The following TENM4 variants were observed in gnomAD, a reference collection of about 807,000 sequenced individuals.
The protein encoded by TENM4 is teneurin-4.
In TENM4, 82 loss-of-function variants were observed where a neutral mutation model predicts 243.3. The observed-to-expected ratio is 0.34, with a 90% confidence interval of 0.28 to 0.40. The LOEUF is 0.40. TENM4 is among the 10% of genes least tolerant of loss of function. TENM4 has a pLI of 1.00. For missense variants in TENM4, 3,138 were observed against 3,673.3 expected (o/e 0.85, Z 3.77); for synonymous variants, 1,412 against 1,456.3 (o/e 0.97, Z 0.69).
intron 1 of TENM4, among the ~76,000 whole-genome samples, chr11:79,417,674 T>C (rs1467496326): frequency 6.6e-6 from 1 of 151,932 alleles, no homozygotes; most frequent in African/African-American, 2.4e-5. Context: ...CTGCTCATAC[T>C]TGCAATATGA....
Position 78,669,338 on chromosome 11 carries a change from G to C in TENM4, c.7007C>G (p.Ser2336Cys). Reference protein sequence around the residue: ...LYNHSSSEITSLYYDLQGHLF... With the variant: ...LYNHSSSEITCLYYDLQGHLF... ...GTGTCCTTGCAAGTCGTAGTAGAGG[G>C]AGGTGATCTCAGAGCTGGAGTGGTT... is the stretch of plus-strand genomic sequence containing the variant. Residue 2336 changes from serine (S) to cysteine (C), a missense_variant, in exon 32 of 34, where the codon TCC (serine) becomes TGC (cysteine). Physicochemically the swap from Ser to Cys is moderately radical, Grantham distance 112 (BLOSUM62 -1). This residue lies in a region of TENM4 where 2,467 missense variants were observed against 3,059.1 expected (regional missense o/e 0.81). Transcript: ENST00000278550. The surrounding 1 kb of genome is among the most constrained non-coding windows in gnomAD (Gnocchi z 6.4). 1.9e-6 allele frequency: 3 copies of C among 1,613,890 alleles called. No homozygotes were observed. The highest frequency in any genetic ancestry group is 2.5e-6 in the Non-Finnish European group (3 of 1,179,832).
chr11:78,995,316 A>AT (rs1858144822), intron 6 of TENM4, among the ~76,000 whole-genome samples: 1 of 152,136 alleles, frequency 6.6e-6, no homozygotes, highest in African/African-American at 2.4e-5. Flanking sequence ...AAGAGTTTAG[A>AT]TTTTGTCCTG....
At chr11:79,219,499 A>C (rs1864117672) in intron 2 of TENM4, among the ~76,000 whole-genome samples, 2 of 152,180 alleles carry the variant, frequency 1.3e-5, no homozygotes, top group Admixed American at 1.3e-4. Context: ...TGGGCAGGCT[A>C]TTAGGTGCTT....
chr11:78,824,403 C>T (rs1857803977), intron 12 of TENM4, among the ~76,000 whole-genome samples: 1 of 152,072 alleles, frequency 6.6e-6, no homozygotes, highest in African/African-American at 2.4e-5. Context: ...AACTCACTAT[C>T]ATGAGGACAG....
intron 3 of TENM4, among the ~76,000 whole-genome samples, chr11:79,171,256 A>T (rs1483560209): frequency 6.6e-6 from 1 of 152,214 alleles, no homozygotes; most frequent in African/African-American, 2.4e-5. Flanking sequence ...AGCATGCCTC[A>T]CCCAGTATAT....
rs1329538201 is a variant in TENM4 at position 79,288,472 on chromosome 11, C to G, written c.-265+9016G>C. 5.9e-5 allele frequency among the ~76,000 whole-genome samples: 9 copies of G among 152,202 alleles called. No homozygotes were observed. In the East Asian group the frequency reaches 1.7e-3, roughly 29 times the overall value. ...GGGATTGAAAATCAAACTATGTAGG[C>G]TTCTCCGCTGATTCCACAGGGAACT... On this transcript the variant is annotated intron_variant, in intron 2 of 33. Coordinates refer to ENST00000278550, the MANE Select transcript of TENM4 (RefSeq NM_001098816.3).
chr11:79,188,583 G>A (rs1039648924), intron 3 of TENM4, among the ~76,000 whole-genome samples: 3 of 151,772 alleles, frequency 2.0e-5, no homozygotes, highest in Non-Finnish European at 4.4e-5. Flanking sequence ...GAGGAGTGAG[G>A]AGAGGAGTCA....
At chr11:79,036,470 A>G (rs1859380421) in intron 6 of TENM4, among the ~76,000 whole-genome samples, 2 of 152,194 alleles carry the variant, frequency 1.3e-5, no homozygotes, top group South Asian at 2.1e-4. Context: ...GCATGGGGCA[A>G]ACATCCAGAG....
At chr11:79,185,914 A>C (rs930171513) in intron 3 of TENM4, among the ~76,000 whole-genome samples, 7 of 152,194 alleles carry the variant, frequency 4.6e-5, no homozygotes, top group African/African-American at 1.7e-4. Context: ...AGTTATCCCC[A>C]AGTCTGAGTG....
chr11:78,853,913 G>A (rs943906119), intron 12 of TENM4, among the ~76,000 whole-genome samples, 191 bp downstream of exon 12: 2 of 152,198 alleles, frequency 1.3e-5, no homozygotes, highest in Non-Finnish European at 2.9e-5. Context: ...AACAGCCCTG[G>A]GCTCAGAAGC....
intron 4 of TENM4, among the ~76,000 whole-genome samples, chr11:79,099,917 A>G (rs1215964877): frequency 1.3e-5 from 2 of 151,508 alleles, no homozygotes; most frequent in East Asian, 3.9e-4. Flanking sequence ...TTTGTTTCTC[A>G]TGCATTTGTG....
intron 4 of TENM4, among the ~76,000 whole-genome samples, chr11:79,135,237 T>C (rs1862084355): frequency 6.6e-6 from 1 of 151,678 alleles, no homozygotes; most frequent in Non-Finnish European, 1.5e-5. Context: ...AACAAACATA[T>C]GAAAAAATGC....
intron 3 of TENM4, among the ~76,000 whole-genome samples, chr11:79,176,258 A>G (rs1404707185): frequency 3.3e-5 from 5 of 152,150 alleles, no homozygotes; most frequent in African/African-American, 1.2e-4. Flanking sequence ...AGGTGGTTGC[A>G]TTTCCAAACA....
chr11:79,062,232 A>G (rs1860110321), intron 6 of TENM4, among the ~76,000 whole-genome samples: 1 of 152,132 alleles, frequency 6.6e-6, no homozygotes, highest in Non-Finnish European at 1.5e-5. Context: ...AAGTGCTAGG[A>G]TTACAGGCCT....
chr11:79,056,905 T>C (rs1859958435), intron 6 of TENM4, among the ~76,000 whole-genome samples: 1 of 152,270 alleles, frequency 6.6e-6, no homozygotes, highest in African/African-American at 2.4e-5. Context: ...CCCCCGTCCT[T>C]ACAGTACTGG....
At chr11:78,858,775 ATTC>A (rs1565410202) in intron 10 of TENM4, among the ~76,000 whole-genome samples, 1 of 152,188 alleles carries the variant, frequency 6.6e-6, no homozygotes, top group South Asian at 2.1e-4. Context: ...TGTGTATACA[ATTC>A]TTCTTATCCC....
chr11:78,848,998 C>T (rs955316417), intron 12 of TENM4, among the ~76,000 whole-genome samples: 1 of 152,156 alleles, frequency 6.6e-6, no homozygotes, highest in Non-Finnish European at 1.5e-5. Flanking sequence ...CGTAAAAATT[C>T]CCAGTCCCTA....
rs1271776305 is a variant in TENM4 at position 79,064,891 on chromosome 11, C to T, written c.340G>A (p.Asp114Asn). The T allele has an allele frequency of 2.6e-6, 4 of 1,549,744 alleles. No homozygotes were observed. Among genetic ancestry groups the T allele is most frequent in the Middle Eastern group, 1.7e-4 (1 of 5,976 alleles). Reference protein sequence around the residue: ...HCGYSMGAGSDADMEADTVLS... With the variant: ...HCGYSMGAGSNADMEADTVLS... ...ACCGTGTCAGCCTCCATGTCGGCAT[C>T]AGAGCCAGCCCCCATGGAGTAGCCG... The change falls in exon 6 of 34, where the codon GAT (aspartate) becomes AAT (asparagine). Residue 114 changes from aspartate to asparagine, a missense_variant. This residue lies in a region of TENM4 where 671 missense variants were observed against 614.1 expected (regional missense o/e 1.09). Transcript: ENST00000278550.
At chr11:78,844,201 T>A (rs1281163173) in intron 12 of TENM4, among the ~76,000 whole-genome samples, 1 of 152,210 alleles carries the variant, frequency 6.6e-6, no homozygotes, top group Non-Finnish European at 1.5e-5. Context: ...TTCCTCCTTG[T>A]TATTAACTGT....
Sources: allele counts gnomAD v4.1 joint callset (sites outside exome capture counted in the v4.1 genomes callset), GRCh38; gene constraint gnomAD v4.1.1; regional missense constraint gnomAD v4.1.1; non-coding constraint Gnocchi (gnomAD v3.1); transcripts MANE v1.5; gene names NCBI Gene and HGNC (gene_info 2026-07-23, HGNC 2026-07-21).